The following IGSF10 variants were observed in gnomAD, a reference collection of about 807,000 sequenced individuals.
IGSF10 encodes calvaria mechanical force protein 608.
In IGSF10, 126 loss-of-function variants were observed where a neutral mutation model predicts 128.2. The ratio of observed to expected loss-of-function variants is 0.98; its 90% confidence interval spans 0.85 to 1.14. The LOEUF (loss-of-function observed/expected upper bound fraction) is 1.14, where lower values mean the gene tolerates loss of function less well. Among genes scored for constraint, IGSF10 ranks in the 50% most tolerant of loss-of-function variants. IGSF10 has a pLI of 0.00. For missense variants in IGSF10, 3,295 were observed against 3,149.8 expected, an observed-to-expected ratio of 1.05 and a Z score of -1.10; for synonymous variants, 1,185 against 1,146.2, an observed-to-expected ratio of 1.03 and a Z score of -0.68.
chr3:151,511,052 C>G, the IGSF10 span, among the ~76,000 whole-genome samples: 20 of 152,170 alleles, frequency 1.3e-4, no homozygotes, highest in Non-Finnish European at 2.2e-4. Flanking sequence ...AGGATATTAT[C>G]CAGGAGAACT....
At chr3:151,435,424 T>TCAGA (rs1019670243), downstream of IGSF10, 18 of 152,254 alleles carry the variant, frequency 1.2e-4, no homozygotes, top group Admixed American at 1.1e-3. Context: ...GGTACTAACA[T>TCAGA]CAGACATAAG....
downstream of IGSF10, chr3:151,435,132 C>T (rs1417086067): frequency 6.7e-6 from 1 of 149,706 alleles, no homozygotes; most frequent in Non-Finnish European, 1.5e-5. Flanking sequence ...CAAGGTAAAG[C>T]CCTGTGGCAG....
Position 151,438,320 on chromosome 3 carries a change from T to C in IGSF10, c.6241A>G (p.Asn2081Asp). The change falls in exon 8 of 8, where the codon AAC (asparagine) becomes GAC (aspartate). Residue 2081 changes from asparagine to aspartate, a missense_variant. Asn to Asp is a conservative substitution (Grantham distance 23). Transcript: ENST00000282466. ...CTGTCATCGGCTTGCATTGCATTGT[T>C]GATCATGGTTCCATCAGGCAAACTC... Reference protein sequence around the residue: ...SWSLPDGTMINNAMQADDSGH... With the variant: ...SWSLPDGTMIDNAMQADDSGH... 1.2e-6 allele frequency: 2 copies of C among 1,614,216 alleles called. No individual in the cohort carries two copies. Among genetic ancestry groups the C allele is most frequent in the Non-Finnish European group, 1.7e-6 (2 of 1,180,028 alleles).
intron 7 of IGSF10, among the ~76,000 whole-genome samples, chr3:151,439,401 G>A (rs1379659961): frequency 6.6e-6 from 1 of 152,136 alleles, no homozygotes; most frequent in Non-Finnish European, 1.5e-5. Flanking sequence ...TCACTTGAGG[G>A]CAGGAGTTTG....
the IGSF10 span, among the ~76,000 whole-genome samples, chr3:151,478,543 C>G: frequency 1.7e-3 from 258 of 152,270 alleles, no homozygotes; most frequent in Non-Finnish European, 2.9e-3. Context: ...ACAGCATTGA[C>G]AAGATTCTGA....
chr3:151,442,028 T>C (rs1417117144), intron 7 of IGSF10, among the ~76,000 whole-genome samples: 1 of 152,194 alleles, frequency 6.6e-6, no homozygotes, highest in African/African-American at 2.4e-5. Context: ...GCCACTGCAC[T>C]CCAGCCTGGG....
At chr3:151,554,348 C>T in the IGSF10 span, among the ~76,000 whole-genome samples, 1 of 152,034 alleles carries the variant, frequency 6.6e-6, no homozygotes, top group East Asian at 1.9e-4. Flanking sequence ...GTCAATAGCC[C>T]ATCTTAGATC....
the IGSF10 span, among the ~76,000 whole-genome samples, chr3:151,547,074 C>T: frequency 1.3e-5 from 2 of 152,070 alleles, no homozygotes; most frequent in African/African-American, 4.8e-5. Context: ...TGCCCGGCCT[C>T]TTTTCTCCAT....
the IGSF10 span, among the ~76,000 whole-genome samples, chr3:151,481,073 T>C: frequency 4.6e-5 from 7 of 152,114 alleles, no homozygotes; most frequent in Non-Finnish European, 8.8e-5. Context: ...AACAGTTGCA[T>C]TTCCCAGCAC....
the IGSF10 span, among the ~76,000 whole-genome samples, chr3:151,586,433 T>C: frequency 1.3e-5 from 2 of 152,292 alleles, no homozygotes; most frequent in African/African-American, 4.8e-5. Flanking sequence ...ATTTTATTAA[T>C]TAGCACCAAG....
chr3:151,465,873 G>A (rs1722265516), upstream of IGSF10, among the ~76,000 whole-genome samples: 1 of 152,168 alleles, frequency 6.6e-6, no homozygotes, highest in Non-Finnish European at 1.5e-5. Flanking sequence ...ATATGCACCT[G>A]TAACAATTGC....
rs1721188841 is a variant in IGSF10 at position 151,446,377 on chromosome 3, T to G, written c.3604A>C (p.Lys1202Gln). 2 of 1,612,990 alleles carry G rather than the reference T, an allele frequency of 1.2e-6. No homozygotes were observed. The highest frequency in any genetic ancestry group is 1.7e-5 in the Admixed American group (1 of 59,978). Residue 1202 changes from lysine (K) to glutamine (Q), a missense_variant, in exon 6 of 8, where the codon AAA becomes CAA. Physicochemically the swap from Lys to Gln is moderately conservative, Grantham distance 53 (BLOSUM62 1). Transcript: ENST00000282466. ...ACAAAGTTCTGTTGCCAGGGAATTT[T>G]CCTTCTTGAAAACCTTGTAATGGCT... ...IIAITRFSRR[K>Q]IPWQQNFVNN...
chr3:151,580,701 G>T, the IGSF10 span, among the ~76,000 whole-genome samples: 1 of 152,148 alleles, frequency 6.6e-6, no homozygotes, highest in African/African-American at 2.4e-5. Flanking sequence ...CTATAAGGGA[G>T]CTTACTGTGT....
At chr3:151,494,249 T>C in the IGSF10 span, among the ~76,000 whole-genome samples, 1 of 151,516 alleles carries the variant, frequency 6.6e-6, no homozygotes, top group African/African-American at 2.4e-5. Flanking sequence ...AATTCTAAAA[T>C]GTTGTATTCT....
chr3:151,498,399 T>A, the IGSF10 span, among the ~76,000 whole-genome samples: 1 of 152,020 alleles, frequency 6.6e-6, no homozygotes, highest in Non-Finnish European at 1.5e-5. Flanking sequence ...TGAACATCCA[T>A]GCAAAAATCC....
At chr3:151,596,689 A>G in the IGSF10 span, among the ~76,000 whole-genome samples, 2 of 152,146 alleles carry the variant, frequency 1.3e-5, no homozygotes, top group Non-Finnish European at 2.9e-5. Flanking sequence ...GCATTGAACA[A>G]TGGGCCCAAT....
chr3:151,571,947 C>T, the IGSF10 span, among the ~76,000 whole-genome samples: 17 of 152,222 alleles, frequency 1.1e-4, no homozygotes, highest in East Asian at 1.2e-3. Flanking sequence ...TTGAATTTGT[C>T]GAAGGCCTTT....
chr3:151,509,151 G>A, the IGSF10 span, among the ~76,000 whole-genome samples: 1 of 152,166 alleles, frequency 6.6e-6, no homozygotes, highest in East Asian at 1.9e-4. Flanking sequence ...CACATCATTT[G>A]GACTGGGTAA....
At chr3:151,572,883 T>C in the IGSF10 span, among the ~76,000 whole-genome samples, 554 of 152,364 alleles carry the variant, frequency 3.6e-3, 2 homozygotes, top group African/African-American at 0.013. Flanking sequence ...CTGTACACAC[T>C]GCTTTAAATG....
Sources: gnomAD v4.1 joint callset for allele counts (sites outside exome capture counted in the v4.1 genomes callset) on GRCh38, gnomAD v4.1.1 for gene constraint, MANE v1.5 for transcripts, NCBI Gene and HGNC (gene_info 2026-07-23, HGNC 2026-07-21) for gene names.